Variants in LRP2 observed in about 807,000 individuals in gnomAD.
LRP2 encodes low-density lipoprotein receptor-related protein 2.
A neutral mutation model predicts 531.0 loss-of-function variants in LRP2; 172 were observed. That is an observed-to-expected ratio of 0.32 (90% CI 0.29 to 0.37). LRP2 has a LOEUF of 0.37. Among genes scored for constraint, LRP2 ranks in the 10% least tolerant of loss-of-function variants. LRP2 has a pLI of 1.00. For missense variants in LRP2, 5,167 were observed against 5,868.3 expected, an observed-to-expected ratio of 0.88 and a Z score of 3.90; for synonymous variants, 1,992 against 2,027.6, an observed-to-expected ratio of 0.98 and a Z score of 0.47.
At chr2:169,320,687 G>C in intron 2 of LRP2, 90 bp downstream of exon 2, 2 of 1,075,440 alleles carry the variant, frequency 1.9e-6, no homozygotes, top group Non-Finnish European at 2.9e-6. Flanking sequence ...GTCACTAAAA[G>C]GCATAGCTCT....
At chr2:169,152,191 G>A (rs1334326252) in intron 67 of LRP2, among the ~76,000 whole-genome samples, 1 of 152,164 alleles carries the variant, frequency 6.6e-6, no homozygotes, top group South Asian at 2.1e-4. Context: ...TCCAAAATGT[G>A]TGGCTCTGGT....
intron 24 of LRP2, among the ~76,000 whole-genome samples, chr2:169,242,187 AC>A (rs1689831188): frequency 8.9e-6 from 1 of 111,936 alleles, no homozygotes; most frequent in Non-Finnish European, 1.8e-5. Context: ...ATGAAAACTT[AC>A]TTTTTTGGTC....
At chr2:169,271,340 T>C (rs1386048607) in intron 15 of LRP2, among the ~76,000 whole-genome samples, 2 of 152,084 alleles carry the variant, frequency 1.3e-5, no homozygotes, top group Non-Finnish European at 2.9e-5. Flanking sequence ...CTAAGAAATG[T>C]ATCCTTAAAA....
chr2:169,206,055 T>C lies in LRP2; in HGVS notation c.7524A>G (p.Lys2508=). 1 of 1,614,094 alleles carries C rather than the reference T, an allele frequency of 6.2e-7. No individual in the cohort carries two copies. Among genetic ancestry groups the C allele is most frequent in the South Asian group, 1.1e-5 (1 of 91,070 alleles). ...SNRTVIARVP[K]PRAIVLDPCQ... is the part of the protein sequence containing the mutation. The stretch of plus-strand genomic sequence containing the variant: ...AGGGATCTAACACAATTGCTCTTGG[T>C]TTTGGAACGCGGGCTATCACAGTGC... The change falls in exon 40 of 79, where the codon AAA becomes AAG. Residue 2508 remains lysine (K), a synonymous_variant. Transcript: ENST00000649046.
intron 1 of LRP2, among the ~76,000 whole-genome samples, chr2:169,339,776 T>C (rs1685513980): frequency 6.6e-6 from 1 of 152,180 alleles, no homozygotes; most frequent in South Asian, 2.1e-4. Flanking sequence ...TTGATGATAT[T>C]TTGAAAAACG....
chr2:169,280,365 G>A lies in LRP2; in HGVS notation c.1326C>T (p.Asp442=), dbSNP rs1683668822. ...HYHLQRVFWT[D]TVQNKVFSVD... ...TTCTATTTACCTTATTTTGCACGGT[G>A]TCTGTCCAAAAAACTCTTTGCAGGT... The change falls in exon 11 of 79, where the codon GAC becomes GAT. Residue 442 remains aspartate (D), a synonymous_variant. Transcript: ENST00000649046. 2 of 1,614,166 alleles carry A rather than the reference G, an allele frequency of 1.2e-6. No homozygotes were observed. The highest frequency in any genetic ancestry group is 1.7e-6 in the Non-Finnish European group (2 of 1,180,026).
intron 27 of LRP2, 114 bp downstream of exon 27, chr2:169,237,977 G>A (rs1432696328): frequency 4.7e-6 from 4 of 848,202 alleles, no homozygotes; most frequent in Non-Finnish European, 8.0e-6. Flanking sequence ...TGGCCCAGAA[G>A]GTACCATGAG....
rs1282582796 is a variant in LRP2, at chr2:169,207,231, A to G, written c.6489T>C (p.Asn2163=). Residue 2163 remains asparagine, a synonymous_variant, in exon 39 of 79, where the codon AAT becomes AAC. Coordinates refer to ENST00000649046, the MANE Select transcript of LRP2 (RefSeq NM_004525.3). ...DWVAGNLYFT[N]AFVSETLIEV... Reference sequence around the variant, plus strand: ...CTATCAGTGTTTCAGAAACAAAGGCATTGGTGAAATAAAGATTTCCTATGG... The same window carrying G: ...CTATCAGTGTTTCAGAAACAAAGGCGTTGGTGAAATAAAGATTTCCTATGG... 1 of 1,613,940 alleles carries G rather than the reference A, an allele frequency of 6.2e-7. No individual in the cohort carries two copies. Among genetic ancestry groups the G allele is most frequent in the South Asian group, 1.1e-5 (1 of 91,080 alleles).
At position 169,181,585 on chromosome 2, in the gene LRP2, T is replaced by C. The variant is rs771898842; in HGVS notation, c.10032A>G (p.Ala3344=). 18 of 1,614,040 alleles carry C rather than the reference T, an allele frequency of 1.1e-5. No homozygotes were observed. The highest frequency in any genetic ancestry group is 1.4e-5 in the Non-Finnish European group (17 of 1,180,026). Residue 3344 remains alanine, a synonymous_variant, in exon 52 of 79, where the codon GCA becomes GCG. Coordinates refer to ENST00000649046, the MANE Select transcript of LRP2 (RefSeq NM_004525.3). ...YLYWADWGHR[A]YIGRVGMDGT... is the part of the protein sequence containing the mutation. ...CATCCATGCCTACTCTCCCAATGTA[T>C]GCGCGGTGACCCCAGTCTGCCCAGT...
chr2:169,207,250 C>T lies in LRP2; in HGVS notation c.6470G>A (p.Gly2157Glu), dbSNP rs1013180923. Residue 2157 changes from glycine (G) to glutamate (E), a missense_variant and splice_region_variant, in exon 39 of 79, where the codon GGA (glycine) becomes GAA (glutamate). Coordinates refer to ENST00000649046, the MANE Select transcript of LRP2 (RefSeq NM_004525.3). ...AAAGGCATTGGTGAAATAAAGATTT[C>T]CTATGGGAAAAATGAAAGTGCATGC... ...VRGIAVDWVAGNLYFTNAFVS... is the reference protein window; with the variant it reads ...VRGIAVDWVAENLYFTNAFVS... The T allele has an allele frequency of 5.6e-6, 9 of 1,612,244 alleles. No individual in the cohort carries two copies. The highest frequency in any genetic ancestry group is 1.3e-5 in the African/African-American group (1 of 74,840).
intron 69 of LRP2, among the ~76,000 whole-genome samples, 169 bp downstream of exon 69, chr2:169,146,570 A>AG (rs1344904785): frequency 3.4e-4 from 52 of 152,196 alleles, no homozygotes; most frequent in African/African-American, 1.3e-3. Flanking sequence ...TAATGAACTC[A>AG]TCTGCATTTA....
chr2:169,243,196 T>G (rs1689873195), intron 23 of LRP2, 124 bp from the exon 24 acceptor site: 4 of 928,040 alleles, frequency 4.3e-6, no homozygotes, highest in African/African-American at 3.3e-5. Context: ...TGCAGGTTTG[T>G]TACATAGGTA....
At chr2:169,171,385 T>C (rs1351093570) in intron 58 of LRP2, among the ~76,000 whole-genome samples, 1 of 152,178 alleles carries the variant, frequency 6.6e-6, no homozygotes, top group Non-Finnish European at 1.5e-5. Context: ...ACATTGAGTG[T>C]GTTCTGACCA....
At chr2:169,290,188 C>T (rs1323438739) in intron 8 of LRP2, among the ~76,000 whole-genome samples, 5 of 146,670 alleles carry the variant, frequency 3.4e-5, no homozygotes, top group African/African-American at 5.0e-5. Context: ...AAGACATAAT[C>T]GAACAACACT....
At chr2:169,261,272 A>T (rs1412999352) in intron 16 of LRP2, among the ~76,000 whole-genome samples, 1 of 152,040 alleles carries the variant, frequency 6.6e-6, no homozygotes, top group African/African-American at 2.4e-5. Flanking sequence ...AAAAGAAGGT[A>T]TCATTGAAGG....
intron 9 of LRP2, among the ~76,000 whole-genome samples, chr2:169,287,099 G>A (rs1040833761): frequency 3.9e-5 from 6 of 152,144 alleles, no homozygotes; most frequent in Non-Finnish European, 1.5e-5. Context: ...AATCCAGGCA[G>A]GGCTCCCAGA....
intron 25 of LRP2, 97 bp from the exon 26 acceptor site, chr2:169,239,872 C>T (rs940384482): frequency 7.6e-6 from 8 of 1,054,030 alleles, no homozygotes; most frequent in Non-Finnish European, 1.2e-5. Context: ...TCTCATGCCA[C>T]CTTCAATATG....
chr2:169,305,753 C>T (rs73028131), intron 4 of LRP2, among the ~76,000 whole-genome samples: 5,545 of 152,224 alleles, frequency 0.036, 300 homozygotes, highest in African/African-American at 0.13. Flanking sequence ...AACGACAGAC[C>T]GCATGGACTA....
At chr2:169,277,987 A>G (rs1190777641) in intron 12 of LRP2, 36 bp from the exon 13 acceptor site, 1 of 1,563,134 alleles carries the variant, frequency 6.4e-7, no homozygotes, top group African/African-American at 1.4e-5. Flanking sequence ...AGAATCTGGT[A>G]TTTTACAAGT....
Sources: gnomAD v4.1 joint callset for allele counts (sites outside exome capture counted in the v4.1 genomes callset) on GRCh38, gnomAD v4.1.1 for gene constraint, MANE v1.5 for transcripts, NCBI Gene and HGNC (gene_info 2026-07-23, HGNC 2026-07-21) for gene names.